Variants in NLGN1 observed in about 807,000 individuals in gnomAD.
NLGN1 encodes neuroligin-1.
NLGN1 carries 12 observed loss-of-function variants against 65.5 expected under a neutral mutation model. The ratio of observed to expected loss-of-function variants is 0.18; its 90% CI spans 0.12 to 0.30. NLGN1 has a LOEUF of 0.30. Among genes scored for constraint, NLGN1 ranks in the 10% least tolerant of loss-of-function variants. The pLI, the probability that NLGN1 is intolerant of heterozygous loss-of-function variation, is 1.00. For missense variants in NLGN1, 750 were observed against 1,007.1 expected, an observed-to-expected ratio of 0.74 and a Z score of 3.46; for synonymous variants, 350 against 359.5, an observed-to-expected ratio of 0.97 and a Z score of 0.30.
intron 3 of NLGN1, among the ~76,000 whole-genome samples, chr3:173,646,096 C>T (rs1758226426): frequency 6.6e-6 from 1 of 152,110 alleles, no homozygotes; most frequent in South Asian, 2.1e-4. Context: ...AGTGGTCCAT[C>T]CCGTGGTATG....
At chr3:173,526,454 T>A (rs1171429292) in intron 2 of NLGN1, among the ~76,000 whole-genome samples, 1 of 152,148 alleles carries the variant, frequency 6.6e-6, no homozygotes, top group African/African-American at 2.4e-5. Flanking sequence ...TTGTATTTTT[T>A]AAAATGTTTA....
intron 4 of NLGN1, among the ~76,000 whole-genome samples, chr3:174,165,558 ATGG>A (rs1412835875): frequency 6.6e-6 from 1 of 152,084 alleles, no homozygotes; most frequent in African/African-American, 2.4e-5. Context: ...CTACTTGATC[ATGG>A]TGAATTAGCT....
chr3:173,699,076 A>C (rs6807005), intron 3 of NLGN1, among the ~76,000 whole-genome samples: 1 of 151,842 alleles, frequency 6.6e-6, no homozygotes, highest in Non-Finnish European at 1.5e-5. Context: ...GGCTGGTCTC[A>C]AATTCCCGAC....
At chr3:173,545,487 C>A (rs1005439112) in intron 2 of NLGN1, among the ~76,000 whole-genome samples, 4 of 152,184 alleles carry the variant, frequency 2.6e-5, no homozygotes, top group Non-Finnish European at 5.9e-5. Flanking sequence ...AATACACTTT[C>A]TTTAAAGCTT....
At chr3:173,489,731 T>C (rs1728787012) in intron 2 of NLGN1, among the ~76,000 whole-genome samples, 1 of 151,800 alleles carries the variant, frequency 6.6e-6, no homozygotes. Context: ...TGTCTCCACA[T>C]CCTCTCCAGC....
chr3:173,960,118 C>A (rs1713175149), intron 4 of NLGN1, among the ~76,000 whole-genome samples: 1 of 152,080 alleles, frequency 6.6e-6, no homozygotes, highest in Non-Finnish European at 1.5e-5. Flanking sequence ...CTTGGCATTA[C>A]ATAAGACAGA....
Position 174,279,409 on chromosome 3 carries a change from G to A in NLGN1, c.1408G>A (p.Val470Ile). ...GGACCATCAGTGGGTGGCACCAGCT[G>A]TAGCCACAGCGGATCTTCACTCAAA... is the stretch of plus-strand genomic sequence containing the variant. The change falls in exon 6 of 7, where the codon GTA becomes ATA. Residue 470 changes from valine (V) to isoleucine (I), a missense_variant. Coordinates refer to ENST00000457714, the Ensembl canonical transcript of NLGN1. This position sits in a 1 kb window ranked among gnomAD's most constrained non-coding sequence, Gnocchi z 4.7. 6.2e-7 allele frequency: 1 copy of A among 1,613,168 alleles called. No homozygotes were observed. The highest frequency in any genetic ancestry group is 1.7e-5 in the Admixed American group (1 of 59,912).
chr3:173,932,135 G>A (rs1002116983), intron 4 of NLGN1, among the ~76,000 whole-genome samples: 9 of 151,924 alleles, frequency 5.9e-5, no homozygotes, highest in African/African-American at 2.2e-4. Context: ...ATGCATTTGT[G>A]TCTAGGTGAG....
intron 2 of NLGN1, among the ~76,000 whole-genome samples, chr3:173,552,945 C>T (rs1044509602): frequency 2.0e-5 from 3 of 152,126 alleles, no homozygotes; most frequent in Non-Finnish European, 4.4e-5. Context: ...AAAATATGAT[C>T]CATGGATCAG....
the NLGN1 span, among the ~76,000 whole-genome samples, chr3:174,292,091 C>G: frequency 6.6e-6 from 1 of 151,126 alleles, no homozygotes; most frequent in Non-Finnish European, 1.5e-5. Context: ...AACCAGCACT[C>G]TTAATGTGGA....
intron 3 of NLGN1, among the ~76,000 whole-genome samples, chr3:173,803,435 G>A (rs562488270): frequency 2.0e-5 from 3 of 151,970 alleles, no homozygotes; most frequent in East Asian, 2.0e-4. Context: ...ACTGTCCAAC[G>A]TGGTGAAACT....
chr3:173,886,271 A>C (rs748951223), intron 4 of NLGN1, among the ~76,000 whole-genome samples: 1 of 152,122 alleles, frequency 6.6e-6, no homozygotes, highest in Non-Finnish European at 1.5e-5. Flanking sequence ...CTTCAAAATT[A>C]TAAGGTGATT....
At position 173,783,670 on chromosome 3, in the gene NLGN1, A is replaced by G. The variant is rs190901510; in HGVS notation, c.494-24010A>G. ...TGCTCTGTCGCCTAGGCTGGAGTGC[A>G]GTGGCACGATTTTGGCTCACGGCAA... On this transcript the variant is annotated intron_variant, in intron 3 of 6. Coordinates refer to ENST00000457714, the Ensembl canonical transcript of NLGN1. Among the ~76,000 whole-genome samples, 67 of 152,300 alleles carry G rather than the reference A, an allele frequency of 4.4e-4. No individual in the cohort carries two copies. The East Asian group carries it at 0.01, about 23-fold the overall frequency.
chr3:173,866,810 T>C (rs941823175), intron 4 of NLGN1, among the ~76,000 whole-genome samples: 1 of 152,184 alleles, frequency 6.6e-6, no homozygotes, highest in Non-Finnish European at 1.5e-5. Context: ...GTGGGGTTAG[T>C]TATACAGCAC....
chr3:173,539,834 T>G (rs565469960), intron 2 of NLGN1, among the ~76,000 whole-genome samples: 2 of 139,444 alleles, frequency 1.4e-5, no homozygotes, highest in South Asian at 4.5e-4. Flanking sequence ...TATATGTATA[T>G]ATGTTATATA....
downstream of NLGN1, among the ~76,000 whole-genome samples, chr3:174,291,281 C>T (rs1012899893): frequency 2.0e-5 from 3 of 150,566 alleles, no homozygotes; most frequent in Non-Finnish European, 1.5e-5. Flanking sequence ...ATGGAACCTT[C>T]GAAAAAGAAA....
At position 174,197,388 on chromosome 3, in the gene NLGN1, A is replaced by G. The variant is rs183070240; in HGVS notation, c.647-77927A>G. On this transcript the variant is annotated intron_variant, in intron 4 of 6. Transcript: ENST00000457714. ...GGAAAAATAACTATAGGTATAGTTT[A>G]TATCAGATACAGAGTGAATAAGTGA... Among the ~76,000 whole-genome samples the G allele has an allele frequency of 5.9e-5, 9 of 152,240 alleles. No individual in the cohort carries two copies. The East Asian group carries it at 1.7e-3, about 29-fold the overall frequency.
chr3:174,018,501 G>A (rs903959770), intron 4 of NLGN1, among the ~76,000 whole-genome samples: 1 of 152,138 alleles, frequency 6.6e-6, no homozygotes, highest in African/African-American at 2.4e-5. Context: ...ACTAATAAAT[G>A]TCCATGAAAT....
At chr3:174,059,204 G>C (rs1285476268) in intron 4 of NLGN1, among the ~76,000 whole-genome samples, 2 of 152,036 alleles carry the variant, frequency 1.3e-5, no homozygotes, top group Admixed American at 6.6e-5. Context: ...CGGGGTAAAT[G>C]GTGCAATCTA....
Sources: gnomAD v4.1 joint callset for allele counts (sites outside exome capture counted in the v4.1 genomes callset) on GRCh38, gnomAD v4.1.1 for gene constraint, Gnocchi (gnomAD v3.1) non-coding constraint, MANE v1.5 for transcripts, NCBI Gene and HGNC (gene_info 2026-07-23, HGNC 2026-07-21) for gene names.